FRAS1: variants seen among roughly 807,000 people sequenced by gnomAD.
FRAS1 encodes extracellular matrix organizing protein FRAS1.
A neutral mutation model predicts 435.2 loss-of-function variants in FRAS1; 290 were observed. The ratio of observed to expected loss-of-function variants is 0.67; its 90% CI spans 0.61 to 0.73. The LOEUF (loss-of-function observed/expected upper bound fraction) is 0.73. Among genes scored for constraint, FRAS1 ranks in the 30% least tolerant of loss-of-function variants. The probability of loss-of-function intolerance (pLI) is 0.00; values close to 1 mark genes in which losing one functional copy is unlikely to be tolerated. For missense variants in FRAS1, 4,860 were observed against 5,001.5 expected (o/e 0.97, Z 0.85); for synonymous variants, 1,800 against 1,851.0 (o/e 0.97, Z 0.71).
intron 2 of FRAS1, among the ~76,000 whole-genome samples, chr4:78,149,716 T>C (rs116136370): frequency 1.3e-5 from 2 of 152,340 alleles, no homozygotes; most frequent in Non-Finnish European, 2.9e-5. Context: ...TTTTCTCATA[T>C]ACTTTCCTCT....
chr4:78,227,687 G>T (rs1724333465), intron 2 of FRAS1, among the ~76,000 whole-genome samples: 1 of 152,202 alleles, frequency 6.6e-6, no homozygotes, highest in African/African-American at 2.4e-5. Context: ...GATCACAATA[G>T]AATTGGCCTG....
rs148259948 is a variant in FRAS1, at chr4:78,200,870, A to AATATATATAT, written c.109-36633_109-36624dup. 2.2e-3 allele frequency among the ~76,000 whole-genome samples: 308 copies of AATATATATAT among 139,696 alleles called. 2 individuals carry two copies. The highest frequency in any genetic ancestry group is 5.4e-3 in the East Asian group (27 of 4,964). The allele number at this position is 139,696 out of a possible 152,430, so 91.6% of individuals were successfully genotyped here. On this transcript the variant is annotated intron_variant, in intron 2 of 73. Transcript: ENST00000512123. Reference sequence around the variant, plus strand: ...GTAACTTGGTTTTCAGCATGCCTTGAATATATATATATATATGTATATATA... The same window carrying AATATATATAT: ...GTAACTTGGTTTTCAGCATGCCTTGAATATATATATATATATATATATATATGTATATATA...
chr4:78,440,862 C>T (rs1286633687), intron 40 of FRAS1, among the ~76,000 whole-genome samples: 1 of 152,134 alleles, frequency 6.6e-6, no homozygotes, highest in Non-Finnish European at 1.5e-5. Context: ...GCAGCTGAAC[C>T]GAGGTGGGTG....
chr4:78,434,035 A>G (rs1484331), intron 38 of FRAS1, among the ~76,000 whole-genome samples: 106,104 of 152,140 alleles, frequency 0.7, 37,269 homozygotes, highest in Non-Finnish European at 0.74. Flanking sequence ...AACTTTCTCT[A>G]AGGGTTGTAG....
Position 78,481,807 on chromosome 4 carries a change from C to T in FRAS1, c.8447C>T (p.Thr2816Ile). The T allele has an allele frequency of 6.2e-7, 1 of 1,613,828 alleles. No homozygotes were observed. The highest frequency in any genetic ancestry group is 8.5e-7 in the Non-Finnish European group (1 of 1,179,742). ...ATCTCTATGAATCTTAATTCAGGCA[C>T]AGTAAAGATTCCAGTTATCCGCCAT... ...TAFTVSEDAG[T>I]VKIPVIRHGT... Residue 2816 changes from threonine (T) to isoleucine (I), a missense_variant, in exon 57 of 74, where the codon ACA (threonine) becomes ATA (isoleucine). By Grantham distance (89) the Thr-to-Ile change is moderately conservative. Transcript: ENST00000512123.
intron 40 of FRAS1, among the ~76,000 whole-genome samples, 186 bp from the exon 41 acceptor site, chr4:78,440,976 G>C (rs765623159): frequency 4.6e-5 from 7 of 152,196 alleles, no homozygotes; most frequent in African/African-American, 1.7e-4. Context: ...AGCTTTGAGA[G>C]GCACTGAAAG....
chr4:78,173,884 A>G (rs146959240), intron 2 of FRAS1, among the ~76,000 whole-genome samples: 36 of 152,336 alleles, frequency 2.4e-4, no homozygotes, highest in African/African-American at 8.7e-4. Context: ...AGTAATAGAA[A>G]ACATTTCTAT....
intron 60 of FRAS1, among the ~76,000 whole-genome samples, chr4:78,497,448 C>T (rs1720539441): frequency 6.6e-6 from 1 of 151,722 alleles, no homozygotes. Context: ...GACCCAGGCA[C>T]CAGGGAAGAC....
chr4:78,139,386 C>T (rs1039336470), intron 2 of FRAS1, among the ~76,000 whole-genome samples: 1 of 152,142 alleles, frequency 6.6e-6, no homozygotes, highest in Admixed American at 6.5e-5. Context: ...AGTTTTTCTC[C>T]AATGTTATAT....
At chr4:78,510,472 T>C (rs1720997507) in intron 63 of FRAS1, among the ~76,000 whole-genome samples, 1 of 152,224 alleles carries the variant, frequency 6.6e-6, no homozygotes, top group Non-Finnish European at 1.5e-5. Flanking sequence ...TTTTCTTTAG[T>C]TTTTAATGGA....
chr4:78,426,455 A>G (rs527796357), intron 35 of FRAS1, among the ~76,000 whole-genome samples: 2 of 152,258 alleles, frequency 1.3e-5, no homozygotes, highest in African/African-American at 4.8e-5. Flanking sequence ...CTTGGTATCT[A>G]GTAGAAAGCC....
At position 78,492,963 on chromosome 4, in the gene FRAS1, A is replaced by G. The variant is rs1238562598; in HGVS notation, c.8959-3842A>G. Among the ~76,000 whole-genome samples the G allele has an allele frequency of 2.6e-5, 4 of 152,352 alleles. 1 individual carries two copies. Among genetic ancestry groups the G allele is most frequent in the African/African-American group, 9.6e-5 (4 of 41,590 alleles). ...AAGAAACTTAAACAAATTTACAAGGAAAAAACAACCCCATCAAAAAGTAGG... is the reference window on the plus strand; with the variant it reads ...AAGAAACTTAAACAAATTTACAAGGGAAAAACAACCCCATCAAAAAGTAGG... On this transcript the variant is annotated intron_variant, in intron 59 of 73. Transcript: ENST00000512123.
intron 6 of FRAS1, among the ~76,000 whole-genome samples, chr4:78,258,083 G>C (rs1202144721): frequency 1.3e-5 from 2 of 152,168 alleles, no homozygotes; most frequent in Admixed American, 6.5e-5. Context: ...GTTCATGCTT[G>C]TGATCCCAGC....
At chr4:78,538,908 T>C (rs1207378907) in intron 72 of FRAS1, among the ~76,000 whole-genome samples, 1 of 147,530 alleles carries the variant, frequency 6.8e-6, no homozygotes, top group Non-Finnish European at 1.5e-5. Flanking sequence ...TGAGCTGAGA[T>C]CGCGCCACTG....
chr4:78,154,589 G>C (rs1720803468), intron 2 of FRAS1, among the ~76,000 whole-genome samples: 1 of 152,154 alleles, frequency 6.6e-6, no homozygotes, highest in Non-Finnish European at 1.5e-5. Flanking sequence ...AGTTGACACT[G>C]GGGAGGTCAG....
At chr4:78,451,530 C>A (rs1719021937) in intron 45 of FRAS1, among the ~76,000 whole-genome samples, 1 of 152,168 alleles carries the variant, frequency 6.6e-6, no homozygotes, top group African/African-American at 2.4e-5. Context: ...CAGCCTTAAC[C>A]ATGAGAAATG....
chr4:78,094,177 A>C (rs537915124), intron 2 of FRAS1, among the ~76,000 whole-genome samples: 56 of 136,266 alleles, frequency 4.1e-4, no homozygotes, highest in African/African-American at 1.5e-3. Flanking sequence ...ACATCTCTAT[A>C]TTATCTATAT....
chr4:78,218,098 T>TCTCTCTCACA lies in FRAS1; in HGVS notation c.109-19411_109-19410insTCTCTCACAC, dbSNP rs368430185. On this transcript the variant is annotated intron_variant, in intron 2 of 73. Transcript: ENST00000512123. ...CCTTCTCTCTCTCTCTCACTCTCTC[T>TCTCTCTCACA]CACACACACACACACACACACACAC... Among the ~76,000 whole-genome samples the TCTCTCTCACA allele has an allele frequency of 1.8e-4, 7 of 39,728 alleles. 1 individual carries two copies. The highest frequency in any genetic ancestry group is 6.8e-4 in the African/African-American group (7 of 10,252). 26.1% of individuals were successfully genotyped at this position (39,728 alleles called of 152,430 possible).
chr4:78,246,585 T>C (rs930978815), intron 4 of FRAS1, among the ~76,000 whole-genome samples: 1 of 152,210 alleles, frequency 6.6e-6, no homozygotes, highest in African/African-American at 2.4e-5. Flanking sequence ...AAAATCCCTA[T>C]GAACTGAAAA....
Sources: allele counts gnomAD v4.1 joint callset (sites outside exome capture counted in the v4.1 genomes callset), GRCh38; gene constraint gnomAD v4.1.1; transcripts MANE v1.5; gene names NCBI Gene and HGNC (gene_info 2026-07-23, HGNC 2026-07-21).